ZNF362: variants seen among roughly 807,000 people sequenced by gnomAD.
ZNF362 encodes zinc finger protein 362.
A neutral mutation model predicts 42.9 loss-of-function variants in ZNF362; 11 were observed. The observed-to-expected ratio is 0.26, with a 90% CI of 0.16 to 0.42. The LOEUF is 0.42. Ranked by LOEUF, ZNF362 falls within the 20% of genes least tolerant of loss-of-function variation. The probability of loss-of-function intolerance (pLI) is 1.00; values close to 1 mark genes in which losing one functional copy is unlikely to be tolerated. For missense variants in ZNF362, 362 were observed against 576.2 expected, an observed-to-expected ratio of 0.63 and a Z score of 3.81; for synonymous variants, 255 against 257.3, an observed-to-expected ratio of 0.99 and a Z score of 0.09.
chr1:33,147,080 T>G, the ZNF362 span: 1 of 1,392,576 alleles, frequency 7.2e-7, no homozygotes, highest in Non-Finnish European at 9.9e-7. The surrounding 1 kb of genome is among the most constrained non-coding windows in gnomAD (Gnocchi z 8.1). Context: ...AGGTCTCCAG[T>G]GGCCACGGTG....
the ZNF362 span, among the ~76,000 whole-genome samples, chr1:33,238,381 T>A: frequency 6.5e-4 from 69 of 105,530 alleles, 1 homozygote; most frequent in Admixed American, 1.5e-3. Context: ...TAAAATAAAA[T>A]AAATAAAATA....
the ZNF362 span, among the ~76,000 whole-genome samples, chr1:33,199,237 T>G: frequency 1.3e-5 from 2 of 152,046 alleles, no homozygotes; most frequent in Non-Finnish European, 2.9e-5. Flanking sequence ...ACAATCAAAT[T>G]GCTCAAAACA....
At chr1:33,273,441 C>CCT (rs1017305053) in intron 2 of ZNF362, among the ~76,000 whole-genome samples, 5 of 152,188 alleles carry the variant, frequency 3.3e-5, no homozygotes, top group Non-Finnish European at 7.4e-5. Flanking sequence ...GGCAAGACCC[C>CCT]CTCTTCCCAT....
At chr1:33,134,922 G>A in the ZNF362 span, among the ~76,000 whole-genome samples, 25 of 152,186 alleles carry the variant, frequency 1.6e-4, no homozygotes, top group African/African-American at 5.3e-4. Flanking sequence ...CTGCTTTCCC[G>A]CTGGGTTCCC....
the ZNF362 span, among the ~76,000 whole-genome samples, chr1:33,160,732 A>G: frequency 6.6e-6 from 1 of 152,118 alleles, no homozygotes; most frequent in Admixed American, 6.5e-5. Flanking sequence ...AAAATCATTC[A>G]TGGGGCTCAT....
At chr1:33,219,278 G>A in the ZNF362 span, among the ~76,000 whole-genome samples, 2,065 of 152,288 alleles carry the variant, frequency 0.014, 48 homozygotes, top group African/African-American at 0.046. Flanking sequence ...TAAAGTGTAC[G>A]GTTGGCGCTC....
chr1:33,146,020 G>GCCAAT, the ZNF362 span: 2 of 419,972 alleles, frequency 4.8e-6, no homozygotes, highest in Non-Finnish European at 9.8e-6. Flanking sequence ...GACCGTGGCA[G>GCCAAT]AGGGAGCCTA....
chr1:33,165,104 A>G, the ZNF362 span: 2 of 174,548 alleles, frequency 1.1e-5, no homozygotes, highest in African/African-American at 4.7e-5. The surrounding 1 kb of genome is among the most constrained non-coding windows in gnomAD (Gnocchi z 4.0). Flanking sequence ...GGCGGTTTTA[A>G]TAAGGGGAGA....
At chr1:33,222,570 T>C in the ZNF362 span, among the ~76,000 whole-genome samples, 1 of 152,194 alleles carries the variant, frequency 6.6e-6, no homozygotes, top group Non-Finnish European at 1.5e-5. Flanking sequence ...GTGCCTGAAA[T>C]CCACACTCTT....
At chr1:33,264,780 G>A (rs1645854181) in intron 1 of ZNF362, among the ~76,000 whole-genome samples, 2 of 152,070 alleles carry the variant, frequency 1.3e-5, no homozygotes, top group Admixed American at 6.6e-5. Flanking sequence ...GGGCAGGTTA[G>A]TTACCTCTCT....
the ZNF362 span, among the ~76,000 whole-genome samples, chr1:33,188,369 G>C: frequency 5.3e-5 from 8 of 152,180 alleles, no homozygotes; most frequent in Admixed American, 1.3e-4. Context: ...TAAATAGCAG[G>C]ACCAGTGAAT....
chr1:33,224,158 T>C, the ZNF362 span, among the ~76,000 whole-genome samples: 350 of 152,190 alleles, frequency 2.3e-3, no homozygotes, highest in Non-Finnish European at 3.7e-3. Context: ...AAGAGACCCA[T>C]AGGAGTCCAG....
At chr1:33,236,143 T>G in the ZNF362 span, among the ~76,000 whole-genome samples, 11 of 152,080 alleles carry the variant, frequency 7.2e-5, no homozygotes, top group Admixed American at 2.0e-4. Context: ...CCTCCTTCAC[T>G]AGGTGAAGGC....
At chr1:33,269,605 T>A (rs1305123486) in intron 1 of ZNF362, among the ~76,000 whole-genome samples, 1 of 152,176 alleles carries the variant, frequency 6.6e-6, no homozygotes, top group Non-Finnish European at 1.5e-5. Context: ...GGTGTGATCA[T>A]GGCTCACTGC....
the ZNF362 span, among the ~76,000 whole-genome samples, chr1:33,218,339 A>G: frequency 6.6e-6 from 1 of 152,084 alleles, no homozygotes; most frequent in South Asian, 2.1e-4. Flanking sequence ...TACTTGAGAA[A>G]CTGAGGCAGG....
the ZNF362 span, among the ~76,000 whole-genome samples, chr1:33,208,617 T>C: frequency 0.054 from 8,283 of 152,284 alleles, 439 homozygotes; most frequent in African/African-American, 0.13. Flanking sequence ...GAGCAGTGGT[T>C]TGTAATTCTC....
chr1:33,162,964 G>A, the ZNF362 span: 1 of 152,252 alleles, frequency 6.6e-6, no homozygotes, highest in East Asian at 1.9e-4. Context: ...TTGCCTCACT[G>A]ATAAGATTGA....
At chr1:33,141,135 G>A in the ZNF362 span, among the ~76,000 whole-genome samples, 3 of 151,992 alleles carry the variant, frequency 2.0e-5, no homozygotes, top group Admixed American at 2.0e-4. Context: ...ACACCCCAGG[G>A]AGGACTTCCT....
At chr1:33,271,169 C>A (rs1022513528) in intron 2 of ZNF362, among the ~76,000 whole-genome samples, 1 of 152,202 alleles carries the variant, frequency 6.6e-6, no homozygotes, top group Non-Finnish European at 1.5e-5. Context: ...GTCTAGCCTT[C>A]AGGCCTAGGA....
Sources: allele counts gnomAD v4.1 joint callset (sites outside exome capture counted in the v4.1 genomes callset), GRCh38; gene constraint gnomAD v4.1.1; non-coding constraint Gnocchi (gnomAD v3.1); transcripts MANE v1.5; gene names NCBI Gene and HGNC (gene_info 2026-07-23, HGNC 2026-07-21).